The following MAPKAP1 variants were observed in gnomAD, a reference collection of about 807,000 sequenced individuals.
MAPKAP1 encodes MAPK associated protein 1.
Under a neutral mutation model 65.7 loss-of-function variants are expected in MAPKAP1, and 20 were observed. The observed-to-expected ratio is 0.30, with a 90% CI of 0.21 to 0.44. The LOEUF (loss-of-function observed/expected upper bound fraction) is 0.44. MAPKAP1 is among the 20% of genes least tolerant of loss of function. The pLI is 1.00. For missense variants in MAPKAP1, 423 were observed against 648.0 expected (o/e 0.65, Z 3.77); for synonymous variants, 222 against 244.3 (o/e 0.91, Z 0.85).
chr9:125,529,842 CTTCT>C (rs918604267), intron 7 of MAPKAP1, among the ~76,000 whole-genome samples: 3 of 152,224 alleles, frequency 2.0e-5, no homozygotes, highest in Admixed American at 6.5e-5. Flanking sequence ...GATTTTAAGT[CTTCT>C]TTGTCTCAGG....
At chr9:125,610,397 TCACAAAAG>T (rs1277770416) in intron 4 of MAPKAP1, among the ~76,000 whole-genome samples, 52 of 152,122 alleles carry the variant, frequency 3.4e-4, no homozygotes, top group African/African-American at 1.2e-3. Flanking sequence ...TTTAAGGCAA[TCACAAAAG>T]CACAAAGACT....
At chr9:125,498,096 G>A (rs1437002874) in intron 8 of MAPKAP1, among the ~76,000 whole-genome samples, 2 of 152,176 alleles carry the variant, frequency 1.3e-5, no homozygotes, top group African/African-American at 4.8e-5. Flanking sequence ...CAGGCATTTG[G>A]CTGAAGGATG....
At chr9:125,645,085 A>G (rs1394884248) in intron 4 of MAPKAP1, among the ~76,000 whole-genome samples, 4 of 152,204 alleles carry the variant, frequency 2.6e-5, no homozygotes, top group Non-Finnish European at 5.9e-5. Context: ...CTGCGCATAA[A>G]AAGTAACCGT....
chr9:125,643,477 G>A (rs1450307294), intron 4 of MAPKAP1, among the ~76,000 whole-genome samples: 19 of 152,312 alleles, frequency 1.2e-4, no homozygotes, highest in Admixed American at 1.1e-3. Context: ...TGACAGGTGT[G>A]AGCCACTGCG....
chr9:125,508,807 T>C (rs1292467793), intron 7 of MAPKAP1, among the ~76,000 whole-genome samples: 1 of 152,178 alleles, frequency 6.6e-6, no homozygotes, highest in Admixed American at 6.5e-5. Context: ...GCTATGACTG[T>C]GCCACTGCAC....
intron 6 of MAPKAP1, among the ~76,000 whole-genome samples, chr9:125,553,562 G>A (rs970313922): frequency 1.3e-5 from 2 of 151,740 alleles, no homozygotes; most frequent in Non-Finnish European, 2.9e-5. Flanking sequence ...GAGGGGAGGG[G>A]AGGGCAAGAC....
chr9:125,472,752 T>A (rs978484434), intron 9 of MAPKAP1, among the ~76,000 whole-genome samples: 3 of 152,182 alleles, frequency 2.0e-5, no homozygotes, highest in Non-Finnish European at 4.4e-5. Context: ...AAAATCCTTA[T>A]AACACAATAG....
At chr9:125,519,666 A>G (rs949233389) in intron 7 of MAPKAP1, among the ~76,000 whole-genome samples, 3 of 147,772 alleles carry the variant, frequency 2.0e-5, no homozygotes, top group Non-Finnish European at 4.5e-5. Context: ...ATATATATAT[A>G]TATATAATTT....
At chr9:125,540,715 T>C (rs1040496069) in intron 7 of MAPKAP1, among the ~76,000 whole-genome samples, 7 of 152,238 alleles carry the variant, frequency 4.6e-5, no homozygotes, top group Admixed American at 1.3e-4. Flanking sequence ...TGACTGCCTC[T>C]AACCTGGCAT....
chr9:125,475,009 G>C (rs1358585071), intron 9 of MAPKAP1, among the ~76,000 whole-genome samples: 1 of 152,218 alleles, frequency 6.6e-6, no homozygotes, highest in African/African-American at 2.4e-5. Context: ...CCACAGAGCA[G>C]TCAGGGAAGT....
chr9:125,513,448 A>G (rs1829367336), intron 7 of MAPKAP1, among the ~76,000 whole-genome samples: 2 of 152,222 alleles, frequency 1.3e-5, no homozygotes, highest in Admixed American at 6.5e-5. Context: ...TGGTAGCCAG[A>G]AAAAAGCTAA....
intron 3 of MAPKAP1, among the ~76,000 whole-genome samples, chr9:125,662,487 T>C (rs1834215515): frequency 1.3e-5 from 2 of 152,116 alleles, no homozygotes; most frequent in Admixed American, 1.3e-4. Context: ...ATCGAGACCA[T>C]CCTGGCTAAG....
At position 125,698,371 on chromosome 9, in the gene MAPKAP1, CTT is replaced by C. The variant is rs1199046967; in HGVS notation, c.-70+8598_-70+8599del. Among the ~76,000 whole-genome samples, 212 of 139,264 alleles carry C rather than the reference CTT, an allele frequency of 1.5e-3. 3 individuals carry two copies. The highest frequency in any genetic ancestry group is 5.5e-3 in the African/African-American group (204 of 37,054). 91.4% of individuals were successfully genotyped at this position (139,264 alleles called of 152,430 possible). Reference sequence around the variant, plus strand: ...ATATTTTTTGAGATGGAGTTTCACTCTTGTCACCCAGGCTGGAGTGCAATGGC... The same window carrying C: ...ATATTTTTTGAGATGGAGTTTCACTCGTCACCCAGGCTGGAGTGCAATGGC... On this transcript the variant is annotated intron_variant, in intron 1 of 11. Coordinates refer to ENST00000265960, the MANE Select transcript of MAPKAP1 (RefSeq NM_001006617.3).
chr9:125,595,976 G>C lies in MAPKAP1; in HGVS notation c.499-10249C>G, dbSNP rs1832113362. On this transcript the variant is annotated intron_variant, in intron 4 of 11. Coordinates refer to ENST00000265960, the MANE Select transcript of MAPKAP1 (RefSeq NM_001006617.3). The surrounding 1 kb of genome is among the most constrained non-coding windows in gnomAD (Gnocchi z 4.0). ...AAAGACCAGGTGCCCACTTAACTGT[G>C]AAAAAGATATTTGTTGGTGGCATTA... 1.3e-6 allele frequency: 2 copies of C among 1,522,886 alleles called. No homozygotes were observed. The highest frequency in any genetic ancestry group is 9.0e-7 in the Non-Finnish European group (1 of 1,112,738). 94.3% of individuals were successfully genotyped at this position (1,522,886 alleles called of 1,614,324 possible).
chr9:125,692,160 T>G (rs1475593725), intron 1 of MAPKAP1, among the ~76,000 whole-genome samples: 1 of 152,188 alleles, frequency 6.6e-6, no homozygotes, highest in Non-Finnish European at 1.5e-5. Flanking sequence ...ACTCCACTCC[T>G]AGGAATATAC....
intron 4 of MAPKAP1, among the ~76,000 whole-genome samples, chr9:125,589,234 TTC>T: frequency 6.6e-6 from 1 of 152,348 alleles, no homozygotes; most frequent in East Asian, 1.9e-4. Context: ...TTTGCAGTTA[TTC>T]TCTCACACAT....
chr9:125,687,490 T>C (rs569651748), intron 1 of MAPKAP1, among the ~76,000 whole-genome samples: 2 of 151,658 alleles, frequency 1.3e-5, no homozygotes, highest in South Asian at 2.1e-4. Flanking sequence ...TAAAACAAAA[T>C]AGAGGCTGGG....
rs1363929741 is a variant in MAPKAP1 at position 125,447,479 on chromosome 9, A to C, written c.1346-2881T>G. On this transcript the variant is annotated intron_variant, in intron 10 of 11. Coordinates refer to ENST00000265960, the MANE Select transcript of MAPKAP1 (RefSeq NM_001006617.3). The surrounding 1 kb of genome is among the most constrained non-coding windows in gnomAD (Gnocchi z 4.5). ...CTCTTGCTCTCTGCAAGGAGTGATG[A>C]GCGGAACCCTGGGGGGCAAGGGCAG... The C allele has an allele frequency of 2.2e-6, 1 of 456,496 alleles. No individual in the cohort carries two copies. Among genetic ancestry groups the C allele is most frequent in the Non-Finnish European group, 4.4e-6 (1 of 226,970 alleles). 28.3% of individuals were successfully genotyped at this position (456,496 alleles called of 1,614,324 possible).
intron 1 of MAPKAP1, among the ~76,000 whole-genome samples, chr9:125,705,196 G>C (rs1379982722): frequency 6.6e-6 from 1 of 152,188 alleles, no homozygotes; most frequent in Non-Finnish European, 1.5e-5. Flanking sequence ...AAAAGAGGGA[G>C]ATGATGTGAG....
Sources: allele counts gnomAD v4.1 joint callset (sites outside exome capture counted in the v4.1 genomes callset), GRCh38; gene constraint gnomAD v4.1.1; non-coding constraint Gnocchi (gnomAD v3.1); transcripts MANE v1.5; gene names NCBI Gene and HGNC (gene_info 2026-07-23, HGNC 2026-07-21).